SPICE1: variants seen among roughly 807,000 people sequenced by gnomAD.
SPICE1 encodes spindle and centriole associated protein 1.
SPICE1 carries 75 observed loss-of-function variants against 102.7 expected under a neutral mutation model. The ratio of observed to expected loss-of-function variants is 0.73; its 90% confidence interval spans 0.61 to 0.88. SPICE1 has a LOEUF of 0.88. Among genes scored for constraint, SPICE1 ranks in the 40% least tolerant of loss-of-function variants. SPICE1 has a pLI of 0.00. For missense variants in SPICE1, 979 were observed against 1,020.1 expected, an observed-to-expected ratio of 0.96 and a Z score of 0.55; for synonymous variants, 308 against 350.3, an observed-to-expected ratio of 0.88 and a Z score of 1.35.
chr3:113,505,744 T>C (rs1329958583), intron 2 of SPICE1, among the ~76,000 whole-genome samples: 2 of 152,012 alleles, frequency 1.3e-5, no homozygotes, highest in East Asian at 3.9e-4. Flanking sequence ...CTACAAAAAA[T>C]ATTTTTTTTA....
At chr3:113,477,760 G>C (rs540713035) in intron 7 of SPICE1, among the ~76,000 whole-genome samples, 1 of 145,976 alleles carries the variant, frequency 6.9e-6, no homozygotes, top group South Asian at 2.2e-4. Flanking sequence ...CACAGGAAGG[G>C]GAACATCACA....
rs58703340 is a variant in SPICE1 at position 113,445,073 on chromosome 3, T to G, written c.*234A>C. 4,443 of 353,642 alleles carry G rather than the reference T, an allele frequency of 0.013. 140 individuals carry two copies. Among genetic ancestry groups the G allele is most frequent in the African/African-American group, 0.064 (3,062 of 47,640 alleles). 21.9% of individuals were successfully genotyped at this position (353,642 alleles called of 1,614,324 possible). A position where few individuals can be genotyped will look rare whatever the true frequency, so the allele number is the denominator to read the frequency against. On this transcript the variant is annotated 3_prime_UTR_variant, in exon 18 of 18. Coordinates refer to ENST00000295872, the MANE Select transcript of SPICE1 (RefSeq NM_144718.4). ...TTAAGAAAGTATTAAAATACAAAAC[T>G]TTAACTTCTCTACAGTCAAAGTTTC...
Position 113,450,378 on chromosome 3 carries a change from G to A in SPICE1, c.2281C>T (p.Pro761Ser), listed in dbSNP as rs1442885383. Residue 761 changes from proline (P) to serine (S), a missense_variant, in exon 15 of 18, where the codon CCA (proline) becomes TCA (serine). Physicochemically the swap from Pro to Ser is moderately conservative, Grantham distance 74. Coordinates refer to ENST00000295872, the MANE Select transcript of SPICE1 (RefSeq NM_144718.4). ...GGTAACTGAACAGGTGACATTGGTGGAGAAAGATTCAAACCAACAAGTTTC... is the reference window on the plus strand; with the variant it reads ...GGTAACTGAACAGGTGACATTGGTGAAGAAAGATTCAAACCAACAAGTTTC... The part of the protein sequence containing the change: ...QQKLVGLNLS[P>S]PMSPVQLPLR... The A allele has an allele frequency of 6.2e-7, 1 of 1,613,978 alleles. No homozygotes were observed. The highest frequency in any genetic ancestry group is 8.5e-7 in the Non-Finnish European group (1 of 1,180,028).
intron 1 of SPICE1, 82 bp downstream of exon 1, chr3:113,514,815 C>T (rs1395899759): frequency 5.5e-6 from 7 of 1,263,078 alleles, no homozygotes; most frequent in Non-Finnish European, 6.1e-6. Flanking sequence ...TGCAAAAGCT[C>T]CCGAAAGCGG....
chr3:113,484,000 C>T (rs1936582738), intron 7 of SPICE1, among the ~76,000 whole-genome samples: 1 of 152,176 alleles, frequency 6.6e-6, no homozygotes, highest in South Asian at 2.1e-4. Context: ...GTGAATCTGC[C>T]TGGTCCTGGA....
At chr3:113,474,313 C>T (rs1011257817) in intron 7 of SPICE1, among the ~76,000 whole-genome samples, 1 of 152,128 alleles carries the variant, frequency 6.6e-6, no homozygotes, top group African/African-American at 2.4e-5. Flanking sequence ...TACAAAGAGA[C>T]TTAGACTCCC....
chr3:113,446,538 C>T, intron 17 of SPICE1, 51 bp downstream of exon 17: 1 of 1,343,700 alleles, frequency 7.4e-7, no homozygotes, highest in South Asian at 1.2e-5. Flanking sequence ...AAATCAGCCA[C>T]CTTCTACCCT....
chr3:113,445,170 TTC>T lies in SPICE1; in HGVS notation c.*135_*136del, dbSNP rs1285276694. ...GAAAGTCAAAAAATAATTGCTTTAT[TTC>T]TCTGTTTCATTAGTACTAATTCACA... On this transcript the variant is annotated 3_prime_UTR_variant, in exon 18 of 18. Transcript: ENST00000295872. 4 of 591,128 alleles carry T rather than the reference TTC, an allele frequency of 6.8e-6. No homozygotes were observed. Among genetic ancestry groups the T allele is most frequent in the Admixed American group, 3.8e-5 (1 of 26,612 alleles). The allele number at this position is 591,128 out of a possible 1,614,324, so 36.6% of individuals were successfully genotyped here.
chr3:113,451,089 A>T (rs888271703), intron 14 of SPICE1, among the ~76,000 whole-genome samples: 2 of 152,214 alleles, frequency 1.3e-5, no homozygotes, highest in African/African-American at 4.8e-5. Flanking sequence ...AGATTACAAA[A>T]GAGGATCTGC....
chr3:113,457,366 G>A lies in SPICE1; in HGVS notation c.1436-9C>T. On this transcript the variant is annotated splice_polypyrimidine_tract_variant and intron_variant, in intron 12 of 17. Coordinates refer to ENST00000295872, the MANE Select transcript of SPICE1 (RefSeq NM_144718.4). Reference sequence around the variant, plus strand: ...ATTTACAACTGGACGCTCTGAAGAAGATGAGAGGATATTAGTACAATAGGA... The same window carrying A: ...ATTTACAACTGGACGCTCTGAAGAAAATGAGAGGATATTAGTACAATAGGA... 1 of 1,613,526 alleles carries A rather than the reference G, an allele frequency of 6.2e-7. No individual in the cohort carries two copies.
chr3:113,460,778 CAT>C lies in SPICE1; in HGVS notation c.1288-16_1288-15del, dbSNP rs778419166. Reference sequence around the variant, plus strand: ...CTGAAGTCTTGCCTGGGGAGGAAAACATATGAAATAATATTATTAGCATATCA... The same window carrying C: ...CTGAAGTCTTGCCTGGGGAGGAAAACATGAAATAATATTATTAGCATATCA... On this transcript the variant is annotated splice_polypyrimidine_tract_variant and intron_variant, in intron 11 of 17. Transcript: ENST00000295872. 2.5e-6 allele frequency: 4 copies of C among 1,575,398 alleles called. No homozygotes were observed. The Admixed American group carries it at 5.9e-5, about 23-fold the overall frequency.
At chr3:113,447,144 G>GT (rs34074160) in intron 16 of SPICE1, among the ~76,000 whole-genome samples, 6,202 of 152,228 alleles carry the variant, frequency 0.041, 153 homozygotes, top group East Asian at 0.1. Flanking sequence ...ATGTGAAACT[G>GT]TAAGTCCAAT....
chr3:113,482,971 A>G (rs1936548820), intron 7 of SPICE1, among the ~76,000 whole-genome samples: 1 of 152,210 alleles, frequency 6.6e-6, no homozygotes, highest in Admixed American at 6.5e-5. Context: ...TGGGGATAGC[A>G]TTGAATCTAT....
Position 113,460,698 on chromosome 3 carries a change from T to A in SPICE1, c.1354A>T (p.Asn452Tyr). 1 of 1,613,840 alleles carries A rather than the reference T, an allele frequency of 6.2e-7. No individual in the cohort carries two copies. The highest frequency in any genetic ancestry group is 1.3e-5 in the African/African-American group (1 of 75,038). Residue 452 changes from asparagine (N) to tyrosine (Y), a missense_variant, in exon 12 of 18, where the codon AAC becomes TAC. Physicochemically the swap from Asn to Tyr is moderately radical, Grantham distance 143 (BLOSUM62 -2). Coordinates refer to ENST00000295872, the MANE Select transcript of SPICE1 (RefSeq NM_144718.4). ...TGTCTGTTATTTATCACAGGACAGTTCTTAATAGCATGTGTGAGTGATATC... is the reference window on the plus strand; with the variant it reads ...TGTCTGTTATTTATCACAGGACAGTACTTAATAGCATGTGTGAGTGATATC... ...QLISLTHAIK[N>Y]CPVINNRQEI...
intron 17 of SPICE1, among the ~76,000 whole-genome samples, chr3:113,445,935 T>G (rs1935502107): frequency 6.6e-6 from 1 of 152,154 alleles, no homozygotes; most frequent in Admixed American, 6.5e-5. Flanking sequence ...GTCTACAAAA[T>G]TAACTTTTAC....
chr3:113,502,603 A>C (rs1447234025), intron 3 of SPICE1, among the ~76,000 whole-genome samples: 1 of 150,476 alleles, frequency 6.6e-6, no homozygotes, highest in African/African-American at 2.5e-5. Flanking sequence ...AAAAATCACC[A>C]AACTGCACAC....
intron 4 of SPICE1, among the ~76,000 whole-genome samples, chr3:113,497,696 G>C (rs976703566): frequency 1.5e-5 from 2 of 134,242 alleles, no homozygotes; most frequent in Non-Finnish European, 3.2e-5. Flanking sequence ...GAGAGAGAGA[G>C]AGAAAGAGAG....
intron 10 of SPICE1, among the ~76,000 whole-genome samples, chr3:113,467,202 T>C (rs1936079578): frequency 6.6e-6 from 1 of 152,248 alleles, no homozygotes; most frequent in Non-Finnish European, 1.5e-5. Context: ...ACAGTTTAAA[T>C]AGATTTTCAA....
chr3:113,464,472 T>C (rs902749044), intron 11 of SPICE1, among the ~76,000 whole-genome samples: 1 of 151,986 alleles, frequency 6.6e-6, no homozygotes, highest in Non-Finnish European at 1.5e-5. Flanking sequence ...CCCAGGCTGA[T>C]CTCAAACTCC....
Sources: gnomAD v4.1 joint callset for allele counts (sites outside exome capture counted in the v4.1 genomes callset) on GRCh38, gnomAD v4.1.1 for gene constraint, MANE v1.5 for transcripts, NCBI Gene and HGNC (gene_info 2026-07-23, HGNC 2026-07-21) for gene names.